Variants in ITSN1 observed in about 807,000 individuals in gnomAD.
ITSN1 encodes the protein intersectin 1, also known as intersectin-1.
In ITSN1, 58 loss-of-function variants were observed where a neutral mutation model predicts 239.8. That is an observed-to-expected ratio of 0.24 (90% CI 0.20 to 0.30). ITSN1 has a LOEUF of 0.30. Ranked by LOEUF, ITSN1 falls within the 10% of genes least tolerant of loss-of-function variation. The probability of loss-of-function intolerance (pLI) is 1.00; values close to 1 mark genes in which losing one functional copy is unlikely to be tolerated. For synonymous variants in ITSN1, 780 were observed against 770.8 expected (o/e 1.01, Z -0.20); for missense variants, 1,558 against 2,103.3 (o/e 0.74, Z 5.07).
At chr21:33,754,526 A>G (rs1338943199) in intron 7 of ITSN1, among the ~76,000 whole-genome samples, 1 of 152,216 alleles carries the variant, frequency 6.6e-6, no homozygotes, top group Non-Finnish European at 1.5e-5. Flanking sequence ...TCAGATGTCG[A>G]AGCTTAACAA....
chr21:33,695,606 TAG>T (rs2091758073), intron 1 of ITSN1, among the ~76,000 whole-genome samples: 6 of 152,326 alleles, frequency 3.9e-5, no homozygotes, highest in Non-Finnish European at 7.4e-5. Context: ...GTGAATAAAT[TAG>T]ATTATAAACC....
chr21:33,722,614 CA>C lies in ITSN1; in HGVS notation c.150del (p.Gln50HisfsTer9). The C allele has an allele frequency of 6.9e-7, 1 of 1,450,000 alleles. No individual in the cohort carries two copies. Among genetic ancestry groups the C allele is most frequent in the Non-Finnish European group, 9.1e-7 (1 of 1,097,452 alleles). 89.8% of individuals were successfully genotyped at this position (1,450,000 alleles called of 1,614,324 possible). On this transcript the variant is annotated frameshift_variant, in exon 4 of 40. Coordinates refer to ENST00000381318, the MANE Select transcript of ITSN1 (RefSeq NM_003024.3). LOFTEE classifies it high-confidence loss of function. ...TGDQARNFFF[Q>X]SGLPQPVLAQ... is the part of the protein sequence containing the mutation. ...TGATCAAGCTAGAAACTTTTTTTTT[CA>C]ATCTGGGTTACCTCAACCTGTTTTA...
chr21:33,832,299 CCT>C (rs2074340425), intron 27 of ITSN1, among the ~76,000 whole-genome samples: 1 of 152,198 alleles, frequency 6.6e-6, no homozygotes, highest in South Asian at 2.1e-4. Context: ...GTGTCCCTCC[CCT>C]GAGCTCCAGC....
intron 14 of ITSN1, among the ~76,000 whole-genome samples, chr21:33,778,780 G>A (rs925540465): frequency 1.6e-4 from 22 of 140,888 alleles, no homozygotes; most frequent in East Asian, 3.9e-4. Context: ...GGGTTTCACC[G>A]TTTTAGCCGG....
At chr21:33,682,700 G>A (rs1210564234) in intron 1 of ITSN1, among the ~76,000 whole-genome samples, 1 of 151,650 alleles carries the variant, frequency 6.6e-6, no homozygotes, top group Non-Finnish European at 1.5e-5. Flanking sequence ...GCTAATTTTT[G>A]TATTTTTAGT....
chr21:33,741,018 C>T (rs1261300634), intron 5 of ITSN1, among the ~76,000 whole-genome samples: 4 of 152,088 alleles, frequency 2.6e-5, no homozygotes, highest in African/African-American at 9.7e-5. Flanking sequence ...TTAAAAGATG[C>T]TTTTACCAGT....
rs191238534 is a variant in ITSN1, at chr21:33,727,563, A to G, written c.185+4912A>G. Among the ~76,000 whole-genome samples, 9 of 151,530 alleles carry G rather than the reference A, an allele frequency of 5.9e-5. No homozygotes were observed. In the East Asian group the frequency reaches 1.7e-3, roughly 29 times the overall value. On this transcript the variant is annotated intron_variant, in intron 4 of 39. Transcript: ENST00000381318. ...CTTAAGACACTCCTGAGTATGTGTC[A>G]GAAGGGCCTTCAGCCCCAACAAGAT...
At chr21:33,692,868 C>A (rs1308968429) in intron 1 of ITSN1, among the ~76,000 whole-genome samples, 6 of 151,758 alleles carry the variant, frequency 4.0e-5, no homozygotes, top group African/African-American at 1.2e-4. Context: ...CCTCCCAGTT[C>A]AAGTGATTCT....
intron 38 of ITSN1, among the ~76,000 whole-genome samples, chr21:33,885,928 C>T (rs1461149448): frequency 1.3e-5 from 2 of 151,714 alleles, no homozygotes; most frequent in Admixed American, 6.5e-5. Context: ...GGGGAGCGGC[C>T]GGGCATGGTG....
chr21:33,730,825 A>C (rs560882777), intron 4 of ITSN1, among the ~76,000 whole-genome samples: 2 of 151,886 alleles, frequency 1.3e-5, no homozygotes, highest in Non-Finnish European at 2.9e-5. Context: ...TCAGTCTCCC[A>C]AATAGCTGGG....
chr21:33,676,758 C>G (rs1667760855), intron 1 of ITSN1, among the ~76,000 whole-genome samples: 1 of 152,166 alleles, frequency 6.6e-6, no homozygotes, highest in African/African-American at 2.4e-5. Context: ...TCTGAGAAGG[C>G]TTAAAGAGTT....
intron 1 of ITSN1, among the ~76,000 whole-genome samples, chr21:33,701,646 T>A (rs1436182206): frequency 1.3e-5 from 2 of 148,886 alleles, no homozygotes; most frequent in African/African-American, 5.0e-5. Context: ...AAAAAAAAAA[T>A]TAGCCAAGTG....
intron 26 of ITSN1, among the ~76,000 whole-genome samples, chr21:33,827,441 ATAAT>A (rs1382056296): frequency 6.6e-6 from 1 of 152,096 alleles, no homozygotes; most frequent in Non-Finnish European, 1.5e-5. Context: ...ATATAGATAA[ATAAT>A]TCAGGCAAGA....
intron 6 of ITSN1, 39 bp downstream of exon 6, chr21:33,750,361 A>C (rs772498275): frequency 9.6e-6 from 15 of 1,566,708 alleles, no homozygotes; most frequent in Non-Finnish European, 1.3e-5. Flanking sequence ...AGTTTTTACT[A>C]CTTGTATTTT....
At chr21:33,761,070 GTGTTT>G (rs1478364808) in intron 8 of ITSN1, among the ~76,000 whole-genome samples, 2 of 150,544 alleles carry the variant, frequency 1.3e-5, no homozygotes, top group East Asian at 3.9e-4. Flanking sequence ...CATAGGAAAT[GTGTTT>G]TGTTTTGTTT....
rs1986487660 is a variant in ITSN1 at position 33,893,316 on chromosome 21, G to A, written c.*5016G>A. 6.6e-6 allele frequency: 1 copy of A among 152,316 alleles called. No homozygotes were observed. The highest frequency in any genetic ancestry group is 6.5e-5 in the Admixed American group (1 of 15,288). 9.4% of individuals were successfully genotyped at this position (152,316 alleles called of 1,614,324 possible). Reference sequence around the variant, plus strand: ...GAGAAATAATGCAAACCGGCCAGGTGCGGTGGCTCACACCTGTAATCCCAA... The same window carrying A: ...GAGAAATAATGCAAACCGGCCAGGTACGGTGGCTCACACCTGTAATCCCAA... On this transcript the variant is annotated 3_prime_UTR_variant, in exon 40 of 40. Coordinates refer to ENST00000381318, the MANE Select transcript of ITSN1 (RefSeq NM_003024.3).
chr21:33,647,489 GT>G (rs1286706329), intron 1 of ITSN1, among the ~76,000 whole-genome samples: 1 of 148,626 alleles, frequency 6.7e-6, no homozygotes, highest in Non-Finnish European at 1.5e-5. Context: ...ATCTATGGTA[GT>G]TTTTTTTTTA....
At chr21:33,746,466 C>T (rs912389261) in intron 5 of ITSN1, among the ~76,000 whole-genome samples, 1 of 152,150 alleles carries the variant, frequency 6.6e-6, no homozygotes, top group Non-Finnish European at 1.5e-5. Context: ...AATCAACAGA[C>T]AGACACTCTC....
chr21:33,768,141 A>G (rs147389843), intron 11 of ITSN1, among the ~76,000 whole-genome samples: 1 of 152,378 alleles, frequency 6.6e-6, no homozygotes, highest in East Asian at 1.9e-4. Context: ...ACTGATGAGT[A>G]TTAAGGTGAT....
Sources: allele counts gnomAD v4.1 joint callset (sites outside exome capture counted in the v4.1 genomes callset), GRCh38; gene constraint gnomAD v4.1.1; transcripts MANE v1.5; gene names NCBI Gene and HGNC (gene_info 2026-07-23, HGNC 2026-07-21).